CSMD1: variants seen among roughly 807,000 people sequenced by gnomAD.
The protein encoded by CSMD1 is CUB and Sushi multiple domains 1.
A neutral mutation model predicts 417.5 loss-of-function variants in CSMD1; 213 were observed. That is an observed-to-expected ratio of 0.51 (90% confidence interval 0.46 to 0.57). CSMD1 has a LOEUF of 0.57. Ranked by LOEUF, CSMD1 falls within the 20% of genes least tolerant of loss-of-function variation. The pLI is 0.00. For missense variants in CSMD1, 6,923 were observed against 4,529.7 expected (o/e 1.53, Z -15.17); for synonymous variants, 2,862 against 1,736.8 (o/e 1.65, Z -16.11).
At chr8:3,671,833 C>G (rs534316270) in intron 7 of CSMD1, among the ~76,000 whole-genome samples, 7 of 152,060 alleles carry the variant, frequency 4.6e-5, no homozygotes, top group Admixed American at 3.9e-4. Flanking sequence ...TGAGCAATGA[C>G]TTGAAAGCAG....
chr8:4,879,419 G>C (rs139964529), intron 1 of CSMD1, among the ~76,000 whole-genome samples: 1 of 152,036 alleles, frequency 6.6e-6, no homozygotes, highest in East Asian at 1.9e-4. Context: ...TTGATATGAA[G>C]AAGAATTAGG....
chr8:3,409,313 C>T (rs1038782125), intron 13 of CSMD1, 110 bp downstream of exon 13: 2 of 997,428 alleles, frequency 2.0e-6, no homozygotes, highest in East Asian at 5.8e-5. Context: ...CACCCCGAGC[C>T]ATTCTGAAAG....
chr8:3,967,208 G>C (rs953969159), intron 5 of CSMD1, among the ~76,000 whole-genome samples: 2 of 151,650 alleles, frequency 1.3e-5, no homozygotes, highest in Admixed American at 6.6e-5. Context: ...CTACTGCTTT[G>C]CTCTTCCCCA....
intron 25 of CSMD1, among the ~76,000 whole-genome samples, chr8:3,302,704 G>A (rs1264820227): frequency 1.3e-5 from 2 of 152,212 alleles, no homozygotes; most frequent in African/African-American, 4.8e-5. Context: ...TCTGTCACCA[G>A]TGATGATGAT....
At chr8:4,463,945 A>T (rs1290523299) in intron 2 of CSMD1, among the ~76,000 whole-genome samples, 1 of 152,180 alleles carries the variant, frequency 6.6e-6, no homozygotes, top group Non-Finnish European at 1.5e-5. Flanking sequence ...TCAGGACTAG[A>T]GAACAGAGCG....
At chr8:3,318,631 C>T (rs764198685) in intron 23 of CSMD1, among the ~76,000 whole-genome samples, 1 of 152,062 alleles carries the variant, frequency 6.6e-6, no homozygotes, top group Non-Finnish European at 1.5e-5. Context: ...ATGGTTTTGC[C>T]CTTTGGGACT....
intron 5 of CSMD1, among the ~76,000 whole-genome samples, chr8:3,990,541 G>C (rs757211353): frequency 6.6e-6 from 1 of 152,132 alleles, no homozygotes; most frequent in Admixed American, 6.5e-5. Context: ...TTTATCCATA[G>C]CTACCACCAT....
At chr8:4,441,055 A>T in intron 2 of CSMD1, among the ~76,000 whole-genome samples, 1 of 144,458 alleles carries the variant, frequency 6.9e-6, no homozygotes, top group Non-Finnish European at 1.5e-5. Flanking sequence ...ATTTTAAAAT[A>T]TAAACTTTTT....
chr8:4,876,159 C>CATTTGTAA (rs1301425993), intron 1 of CSMD1, among the ~76,000 whole-genome samples: 1 of 152,034 alleles, frequency 6.6e-6, no homozygotes, highest in East Asian at 1.9e-4. Context: ...ACTGCTTAGT[C>CATTTGTAA]TATTTCCCTG....
At position 4,660,148 on chromosome 8, in the gene CSMD1, T is replaced by C. The variant is rs558291039; in HGVS notation, c.86-22590A>G. On this transcript the variant is annotated intron_variant, in intron 1 of 69. Transcript: ENST00000635120. The stretch of plus-strand genomic sequence containing the variant: ...AAAAAAAGGAACGAAATAAAATTTA[T>C]ATACATCTGAAAGGGAGAAATAAAA... Among the ~76,000 whole-genome samples, 37 of 149,082 alleles carry C rather than the reference T, an allele frequency of 2.5e-4. No individual in the cohort carries two copies. In the East Asian group the frequency reaches 4.7e-3, roughly 19 times the overall value.
intron 1 of CSMD1, among the ~76,000 whole-genome samples, chr8:4,851,410 T>G (rs1272916246): frequency 6.6e-6 from 1 of 152,122 alleles, no homozygotes; most frequent in Non-Finnish European, 1.5e-5. Flanking sequence ...GTTTTTTTCC[T>G]GGCTGCATCT....
chr8:3,024,379 C>G (rs896725129), intron 51 of CSMD1, among the ~76,000 whole-genome samples: 1 of 151,738 alleles, frequency 6.6e-6, no homozygotes, highest in Non-Finnish European at 1.5e-5. Flanking sequence ...GACCTCAGCT[C>G]GCGGCAACTG....
At chr8:3,141,691 C>G (rs1818491362) in intron 41 of CSMD1, among the ~76,000 whole-genome samples, 1 of 152,128 alleles carries the variant, frequency 6.6e-6, no homozygotes, top group Non-Finnish European at 1.5e-5. Flanking sequence ...TGCCATCGCA[C>G]TCGGGAACAG....
At chr8:2,968,291 T>A (rs1437351536) in intron 57 of CSMD1, among the ~76,000 whole-genome samples, 1 of 152,218 alleles carries the variant, frequency 6.6e-6, no homozygotes, top group African/African-American at 2.4e-5. Flanking sequence ...GTGAGTTTGG[T>A]CCAATTCATA....
At chr8:4,933,245 C>T (rs5001123) in intron 1 of CSMD1, among the ~76,000 whole-genome samples, 45,612 of 151,546 alleles carry the variant, frequency 0.3, 8,106 homozygotes, top group Non-Finnish European at 0.41. Flanking sequence ...TATGATATGA[C>T]GGCACTAGTA....
At chr8:4,193,882 C>T (rs1482923363) in intron 3 of CSMD1, among the ~76,000 whole-genome samples, 4 of 151,912 alleles carry the variant, frequency 2.6e-5, no homozygotes, top group African/African-American at 7.3e-5. Flanking sequence ...CTCAGCAGAA[C>T]TGGCCACCTC....
chr8:3,702,948 C>T (rs1800951297), intron 7 of CSMD1, among the ~76,000 whole-genome samples: 1 of 152,206 alleles, frequency 6.6e-6, no homozygotes, highest in Admixed American at 6.5e-5. Context: ...GGGATGGGTG[C>T]TTGCTCAGTT....
At chr8:3,991,953 G>C (rs1311768109) in intron 5 of CSMD1, among the ~76,000 whole-genome samples, 1 of 151,466 alleles carries the variant, frequency 6.6e-6, no homozygotes. Flanking sequence ...ACAAACACTC[G>C]GTGATTATTA....
chr8:4,985,906 A>G (rs1195778942), intron 1 of CSMD1, among the ~76,000 whole-genome samples: 1 of 152,204 alleles, frequency 6.6e-6, no homozygotes, highest in Non-Finnish European at 1.5e-5. Flanking sequence ...AAGAATTGCA[A>G]GACATTTGGA....
Sources: gnomAD v4.1 joint callset for allele counts (sites outside exome capture counted in the v4.1 genomes callset) on GRCh38, gnomAD v4.1.1 for gene constraint, MANE v1.5 for transcripts, NCBI Gene and HGNC (gene_info 2026-07-23, HGNC 2026-07-21) for gene names.